ZNF35: variants seen among roughly 807,000 people sequenced by gnomAD.
ZNF35 encodes zinc finger protein 35, also known as zinc finger protein 35 (clone HF.10).
ZNF35 carries 31 observed loss-of-function variants against 45.9 expected under a neutral mutation model. The ratio of observed to expected loss-of-function variants is 0.68; its 90% CI spans 0.51 to 0.91. The LOEUF is 0.91. ZNF35 is among the 40% of genes least tolerant of loss of function. The pLI is 0.00. For synonymous variants in ZNF35, 205 were observed against 220.2 expected, an observed-to-expected ratio of 0.93 and a Z score of 0.61; for missense variants, 515 against 625.4, an observed-to-expected ratio of 0.82 and a Z score of 1.88.
chr3:44,659,802 G>A lies in ZNF35; in HGVS notation c.1439G>A (p.Gly480Glu). 1 of 1,613,922 alleles carries A rather than the reference G, an allele frequency of 6.2e-7. No individual in the cohort carries two copies. The highest frequency in any genetic ancestry group is 8.5e-7 in the Non-Finnish European group (1 of 1,179,956). The stretch of plus-strand genomic sequence containing the variant: ...AAACCTTACACATGTAATGAGTGTG[G>A]GAAGGCCTTCAGACAGAGGTCGAGC... ...GEKPYTCNECGKAFRQRSSLT... is the reference protein window; with the variant it reads ...GEKPYTCNECEKAFRQRSSLT... Residue 480 changes from glycine (G) to glutamate (E), a missense_variant, in exon 4 of 4, where the codon GGG becomes GAG. By Grantham distance (98) the Gly-to-Glu change is moderately conservative. Around this residue, in one of 3 missense-constraint regions of ZNF35, gnomAD observed 232 missense variants for 304.6 expected, o/e 0.76. Transcript: ENST00000396056. The surrounding 1 kb of genome is among the most constrained non-coding windows in gnomAD (Gnocchi z 4.3).
chr3:44,652,077 AGATACTGCTGCT>A (rs1352083085), intron 2 of ZNF35, among the ~76,000 whole-genome samples: 3 of 152,172 alleles, frequency 2.0e-5, no homozygotes, highest in Admixed American at 6.5e-5. Flanking sequence ...CAGGTGATGC[AGATACTGCTGCT>A]GATCTTTGCA....
At chr3:44,656,770 T>G (rs1703316298) in intron 3 of ZNF35, among the ~76,000 whole-genome samples, 1 of 151,050 alleles carries the variant, frequency 6.6e-6, no homozygotes, top group Non-Finnish European at 1.5e-5. Flanking sequence ...CAGTCTCAGC[T>G]CAGTACAGCC....
At position 44,651,153 on chromosome 3, in the gene ZNF35, T is replaced by G; in HGVS notation, c.86T>G (p.Phe29Cys). 1 of 1,613,936 alleles carries G rather than the reference T, an allele frequency of 6.2e-7. No homozygotes were observed. Among genetic ancestry groups the G allele is most frequent in the Non-Finnish European group, 8.5e-7 (1 of 1,179,984 alleles). Residue 29 changes from phenylalanine (F) to cysteine (C), a missense_variant, in exon 2 of 4, where the codon TTC becomes TGC. Coordinates refer to ENST00000396056, the MANE Select transcript of ZNF35 (RefSeq NM_003420.4). The stretch of plus-strand genomic sequence containing the variant: ...AAGGAGGAGGAAGAAGAAGAAAACT[T>G]CCCAGGTCAGGCATCCAGCCAACAA... ...VKKEEEEEEN[F>C]PGQASSQQVH...
chr3:44,657,912 T>C (rs1703337495), intron 3 of ZNF35, among the ~76,000 whole-genome samples: 1 of 152,154 alleles, frequency 6.6e-6, no homozygotes, highest in South Asian at 2.1e-4. Flanking sequence ...AATATCTGAG[T>C]AGTTGACATA....
chr3:44,656,077 G>T (rs1251064903), intron 3 of ZNF35, among the ~76,000 whole-genome samples: 1 of 152,044 alleles, frequency 6.6e-6, no homozygotes, highest in Non-Finnish European at 1.5e-5. Flanking sequence ...GATGGGAGGA[G>T]AATAAAGTGG....
chr3:44,650,939 A>G lies in ZNF35; in HGVS notation c.-127-2A>G. On this transcript the variant is annotated splice_acceptor_variant, in intron 1 of 3. Transcript: ENST00000396056. LOFTEE classifies it low-confidence loss of function (5UTR_SPLICE). Reference sequence around the variant, plus strand: ...TGCTAACAGTGTTTTCTGATTTCTCAGTAGGCAGTACTCATCTTGGCCCTG... The same window carrying G: ...TGCTAACAGTGTTTTCTGATTTCTCGGTAGGCAGTACTCATCTTGGCCCTG... 1.2e-6 allele frequency: 1 copy of G among 856,152 alleles called. No homozygotes were observed. The allele number at this position is 856,152 out of a possible 1,614,324, so 53.0% of individuals were successfully genotyped here. A position where few individuals can be genotyped will look rare whatever the true frequency, so the allele number is the denominator to read the frequency against.
chr3:44,659,312 T>TA lies in ZNF35; in HGVS notation c.950dup (p.Tyr317Ter). The TA allele has an allele frequency of 1.2e-6, 2 of 1,614,156 alleles. No homozygotes were observed. Among genetic ancestry groups the TA allele is most frequent in the South Asian group, 2.2e-5 (2 of 91,068 alleles). The change falls in exon 4 of 4, where the codon TAC becomes TAAC. Residue 317 changes from tyrosine (Y) to a stop codon, truncating the protein, a stop_gained and frameshift_variant. Coordinates refer to ENST00000396056, the MANE Select transcript of ZNF35 (RefSeq NM_003420.4). LOFTEE classifies it high-confidence loss of function. This position sits in a 1 kb window ranked among gnomAD's most constrained non-coding sequence, Gnocchi z 4.3. The stretch of plus-strand genomic sequence containing the variant: ...CAATGAATGTGAGAAAGCCTTTAGT[T>TA]ACAGCTCACAACTTGCTCGGCACCA... ...KCNECEKAFS[Y>*]SSQLARHQKV...
At chr3:44,655,530 T>C (rs1283782668) in intron 3 of ZNF35, among the ~76,000 whole-genome samples, 1 of 152,232 alleles carries the variant, frequency 6.6e-6, no homozygotes. Flanking sequence ...CTGTACTTAA[T>C]TTAATTTCTC....
chr3:44,646,608 G>T (rs574325812), upstream of ZNF35: 102 of 818,202 alleles, frequency 1.2e-4, no homozygotes, highest in African/African-American at 3.4e-4. Context: ...ATATTATTAT[G>T]ATGAAAAAGA....
chr3:44,648,881 G>T (rs1313923246), intron 1 of ZNF35, 47 bp downstream of exon 1: 1 of 152,296 alleles, frequency 6.6e-6, no homozygotes, highest in African/African-American at 2.4e-5. Flanking sequence ...GGGAGAAAAA[G>T]GGGCTCTCCC....
At chr3:44,657,505 AGAG>A (rs1267229470) in intron 3 of ZNF35, among the ~76,000 whole-genome samples, 1 of 152,222 alleles carries the variant, frequency 6.6e-6, no homozygotes, top group Non-Finnish European at 1.5e-5. Context: ...GTGAGTGTGC[AGAG>A]GAGACAAACA....
chr3:44,651,817 A>T (rs1001660889), intron 2 of ZNF35, among the ~76,000 whole-genome samples: 1 of 149,180 alleles, frequency 6.7e-6, no homozygotes, highest in African/African-American at 2.5e-5. Context: ...TGGGCAATAG[A>T]GTGAGACCCT....
At position 44,650,938 on chromosome 3, in the gene ZNF35, C is replaced by T. The variant is rs570028470; in HGVS notation, c.-127-3C>T. On this transcript the variant is annotated splice_region_variant and splice_polypyrimidine_tract_variant and intron_variant, in intron 1 of 3. Coordinates refer to ENST00000396056, the MANE Select transcript of ZNF35 (RefSeq NM_003420.4). ...GTGCTAACAGTGTTTTCTGATTTCTCAGTAGGCAGTACTCATCTTGGCCCT... is the reference window on the plus strand; with the variant it reads ...GTGCTAACAGTGTTTTCTGATTTCTTAGTAGGCAGTACTCATCTTGGCCCT... The T allele has an allele frequency of 5.9e-5, 50 of 853,074 alleles. No homozygotes were observed. In the South Asian group the frequency reaches 1.1e-3, roughly 18 times the overall value. The allele number at this position is 853,074 out of a possible 1,614,324, so 52.8% of individuals were successfully genotyped here. A position where few individuals can be genotyped will look rare whatever the true frequency, so the allele number is the denominator to read the frequency against.
At chr3:44,655,957 GC>G (rs1359315199) in intron 3 of ZNF35, among the ~76,000 whole-genome samples, 1 of 152,168 alleles carries the variant, frequency 6.6e-6, no homozygotes, top group Non-Finnish European at 1.5e-5. Context: ...GTTTTCATGG[GC>G]TCTGTTTCTG....
Position 44,651,209 on chromosome 3 carries a change from C to G in ZNF35, c.142C>G (p.Pro48Ala). ...CTCCGAGAACATCAAAGTCTGGGCC[C>G]CAGTGCAGGGTCTTCAGACAGGCCT... ...VHSENIKVWAPVQGLQTGLDG... is the reference protein window; with the variant it reads ...VHSENIKVWAAVQGLQTGLDG... Residue 48 changes from proline to alanine, a missense_variant, in exon 2 of 4, where the codon CCA (proline) becomes GCA (alanine). By Grantham distance (27) the Pro-to-Ala change is conservative (BLOSUM62 -1). Coordinates refer to ENST00000396056, the MANE Select transcript of ZNF35 (RefSeq NM_003420.4). 1.2e-6 allele frequency: 2 copies of G among 1,613,954 alleles called. No individual in the cohort carries two copies. Among genetic ancestry groups the G allele is most frequent in the Non-Finnish European group, 1.7e-6 (2 of 1,179,976 alleles).
intron 3 of ZNF35, among the ~76,000 whole-genome samples, chr3:44,655,584 T>A (rs1703285596): frequency 6.6e-6 from 1 of 152,198 alleles, no homozygotes; most frequent in Non-Finnish European, 1.5e-5. Context: ...AAAGGAAAAA[T>A]ACCATTTCAA....
intron 3 of ZNF35, among the ~76,000 whole-genome samples, chr3:44,655,758 C>G (rs1312833960): frequency 6.6e-6 from 1 of 152,228 alleles, no homozygotes; most frequent in Non-Finnish European, 1.5e-5. Flanking sequence ...TGAAAACCTT[C>G]TAGGCTACAG....
At position 44,651,229 on chromosome 3, in the gene ZNF35, A is replaced by G. The variant is rs776204668; in HGVS notation, c.162A>G (p.Thr54=). 7 of 1,613,810 alleles carry G rather than the reference A, an allele frequency of 4.3e-6. No homozygotes were observed. Among genetic ancestry groups the G allele is most frequent in the Non-Finnish European group, 5.9e-6 (7 of 1,179,980 alleles). The change falls in exon 2 of 4, where the codon ACA becomes ACG. Residue 54 remains threonine (T), a synonymous_variant. Transcript: ENST00000396056. ...GGGCCCCAGTGCAGGGTCTTCAGAC[A>G]GGCCTTGATGGATCAGAAGAGGAAG... is the stretch of plus-strand genomic sequence containing the variant. ...KVWAPVQGLQ[T]GLDGSEEEEK... is the part of the protein sequence containing the mutation.
intron 3 of ZNF35, among the ~76,000 whole-genome samples, chr3:44,656,986 T>C (rs138805871): frequency 7.5e-4 from 114 of 152,344 alleles, no homozygotes; most frequent in African/African-American, 2.5e-3. Flanking sequence ...CATCAGCCAC[T>C]GTGCCTGGCC....
Sources: allele counts gnomAD v4.1 joint callset (sites outside exome capture counted in the v4.1 genomes callset), GRCh38; gene constraint gnomAD v4.1.1; regional missense constraint gnomAD v4.1.1; non-coding constraint Gnocchi (gnomAD v3.1); transcripts MANE v1.5; gene names NCBI Gene and HGNC (gene_info 2026-07-23, HGNC 2026-07-21).